Variants in CYP2C18 observed in about 807,000 individuals in gnomAD.
CYP2C18 encodes cytochrome P450 2C18.
Under a neutral mutation model 41.3 loss-of-function variants are expected in CYP2C18, and 38 were observed. The observed-to-expected ratio is 0.92, with a 90% CI of 0.71 to 1.21. The LOEUF is 1.21. Ranked by LOEUF, CYP2C18 falls within the 50% of genes most tolerant of loss-of-function variation. CYP2C18 has a pLI of 0.00. For missense variants in CYP2C18, 635 were observed against 591.4 expected, an observed-to-expected ratio of 1.07 and a Z score of -0.77; for synonymous variants, 236 against 210.0, an observed-to-expected ratio of 1.12 and a Z score of -1.07.
chr10:94,706,482 T>C (rs1847344620), intron 4 of CYP2C18, among the ~76,000 whole-genome samples: 1 of 152,206 alleles, frequency 6.6e-6, no homozygotes, highest in Admixed American at 6.5e-5. Context: ...TGGCATTCTA[T>C]ATTTCAAGGC....
At chr10:94,684,329 G>C (rs1337087523) in intron 1 of CYP2C18, among the ~76,000 whole-genome samples, 1 of 152,078 alleles carries the variant, frequency 6.6e-6, no homozygotes, top group African/African-American at 2.4e-5. Context: ...TGTACCTGTT[G>C]ACCAACGTAT....
chr10:94,727,491 T>A (rs1297631921), intron 7 of CYP2C18, among the ~76,000 whole-genome samples: 1 of 152,022 alleles, frequency 6.6e-6, no homozygotes, highest in Non-Finnish European at 1.5e-5. Context: ...GGCATGTGCC[T>A]GTAGTCCCAG....
chr10:94,719,245 GAA>G (rs151298366), intron 5 of CYP2C18, among the ~76,000 whole-genome samples: 2 of 151,666 alleles, frequency 1.3e-5, no homozygotes, highest in South Asian at 2.1e-4. Context: ...ATACAAATAA[GAA>G]AAAAAATTAA....
At chr10:94,693,551 A>C (rs934994400) in intron 3 of CYP2C18, among the ~76,000 whole-genome samples, 2 of 152,204 alleles carry the variant, frequency 1.3e-5, no homozygotes, top group Non-Finnish European at 2.9e-5. Flanking sequence ...TTTTCACTAC[A>C]TCATGTTCAT....
At chr10:94,707,026 TAGTG>T (rs1420574702) in intron 5 of CYP2C18, 66 bp downstream of exon 5, 8 of 1,418,466 alleles carry the variant, frequency 5.6e-6, no homozygotes, top group African/African-American at 2.9e-5. Context: ...ATTGCTTAAA[TAGTG>T]AGGCAAGAAA....
chr10:94,698,429 C>T (rs1325622219), intron 4 of CYP2C18, among the ~76,000 whole-genome samples: 1 of 152,068 alleles, frequency 6.6e-6, no homozygotes, highest in Non-Finnish European at 1.5e-5. Context: ...TCTTTGAAAC[C>T]AATGAGAACA....
chr10:94,691,828 A>G (rs1408096551), intron 3 of CYP2C18, among the ~76,000 whole-genome samples: 3 of 152,208 alleles, frequency 2.0e-5, no homozygotes, highest in Non-Finnish European at 2.9e-5. Flanking sequence ...AAACAGAGAT[A>G]TAGACCAATG....
chr10:94,714,510 T>G (rs986466159), intron 5 of CYP2C18, among the ~76,000 whole-genome samples: 8 of 152,096 alleles, frequency 5.3e-5, no homozygotes, highest in Admixed American at 2.0e-4. Flanking sequence ...TTATTTCTGA[T>G]GGCTCTGTTC....
chr10:94,695,207 T>A lies in CYP2C18; in HGVS notation c.642+130T>A, dbSNP rs544824020. On this transcript the variant is annotated intron_variant, in intron 4 of 8. Coordinates refer to ENST00000285979, the MANE Select transcript of CYP2C18 (RefSeq NM_000772.3). ...GTGCAGAATGGGCAGGTTTGTCACA[T>A]GGGTATACATGTGCCATGGTGGTTT... is the stretch of plus-strand genomic sequence containing the variant. The A allele has an allele frequency of 1.2e-5, 9 of 771,336 alleles. No individual in the cohort carries two copies. In the African/African-American group the frequency reaches 1.6e-4, roughly 14 times the overall value. 47.8% of individuals were successfully genotyped at this position (771,336 alleles called of 1,614,324 possible).
intron 4 of CYP2C18, among the ~76,000 whole-genome samples, chr10:94,702,902 T>G (rs369722759): frequency 1.2e-3 from 180 of 152,256 alleles, no homozygotes; most frequent in African/African-American, 4.1e-3. Flanking sequence ...TTGGTGACCT[T>G]CGGATGGAGT....
At chr10:94,686,768 G>A (rs1846895001) in intron 1 of CYP2C18, among the ~76,000 whole-genome samples, 1 of 152,174 alleles carries the variant, frequency 6.6e-6, no homozygotes, top group African/African-American at 2.4e-5. Context: ...CATTTTGCCA[G>A]AAGAGAAACA....
In CYP2C18 at chr10:94,706,913, A is replaced by G. The variant is rs777462213; in HGVS notation, c.772A>G (p.Asn258Asp). The G allele has an allele frequency of 6.8e-6, 11 of 1,612,594 alleles. No homozygotes were observed. Among genetic ancestry groups the G allele is most frequent in the Non-Finnish European group, 9.3e-6 (11 of 1,179,414 alleles). Reference protein sequence around the residue: ...IKEHQESLDMNSARDFIDCFL... With the variant: ...IKEHQESLDMDSARDFIDCFL... The stretch of plus-strand genomic sequence containing the variant: ...AGAACATCAAGAATCCCTGGACATG[A>G]ACAGTGCTCGGGACTTTATTGATTG... The change falls in exon 5 of 9, where the codon AAC becomes GAC. Residue 258 changes from asparagine to aspartate, a missense_variant. Coordinates refer to ENST00000285979, the MANE Select transcript of CYP2C18 (RefSeq NM_000772.3).
Position 94,690,909 on chromosome 10 carries a change from A to T in CYP2C18, c.481+2635A>T, listed in dbSNP as rs989282252. ...AAAAGTAATCCAGTATATAAACAGA[A>T]CCAAAGACAAAAACCACATGATTAT... On this transcript the variant is annotated intron_variant, in intron 3 of 8. Transcript: ENST00000285979. 1.9e-4 allele frequency among the ~76,000 whole-genome samples: 29 copies of T among 152,338 alleles called. No homozygotes were observed. The East Asian group carries it at 3.3e-3, about 17-fold the overall frequency.
chr10:94,729,272 C>T (rs1466843780), intron 7 of CYP2C18, among the ~76,000 whole-genome samples: 1 of 152,088 alleles, frequency 6.6e-6, no homozygotes, highest in Non-Finnish European at 1.5e-5. Flanking sequence ...AGGTAGACAC[C>T]AGTGTGCAAG....
intron 4 of CYP2C18, 60 bp downstream of exon 4, chr10:94,695,137 A>AT: frequency 7.1e-7 from 1 of 1,413,602 alleles, no homozygotes. Flanking sequence ...AGACAGTCCA[A>AT]TTTTTTTAAT....
chr10:94,725,052 T>G (rs1847715459), intron 7 of CYP2C18, among the ~76,000 whole-genome samples: 1 of 148,708 alleles, frequency 6.7e-6, no homozygotes, highest in Non-Finnish European at 1.5e-5. Context: ...TCTATGTAAT[T>G]GTAAGTTGTG....
In CYP2C18 at chr10:94,717,109, C is replaced by A. The variant is rs533890787; in HGVS notation, c.820-3287C>A. On this transcript the variant is annotated intron_variant, in intron 5 of 8. Coordinates refer to ENST00000285979, the MANE Select transcript of CYP2C18 (RefSeq NM_000772.3). ...TGAGACAGGTCTCCTGAATACAGCA[C>A]ACTGAGGAGTCTTGACTCTTTATCC... Among the ~76,000 whole-genome samples the A allele has an allele frequency of 2.6e-5, 4 of 152,262 alleles. No homozygotes were observed. In the South Asian group the frequency reaches 8.3e-4, roughly 32 times the overall value.
At chr10:94,692,115 C>A (rs1424119011) in intron 3 of CYP2C18, among the ~76,000 whole-genome samples, 2 of 152,076 alleles carry the variant, frequency 1.3e-5, no homozygotes, top group Non-Finnish European at 2.9e-5. Flanking sequence ...TAGGCATGGG[C>A]AAGGACTTCA....
chr10:94,699,092 C>G (rs1439689949), intron 4 of CYP2C18, among the ~76,000 whole-genome samples: 2 of 152,096 alleles, frequency 1.3e-5, no homozygotes. Flanking sequence ...CTATTCCAAT[C>G]AATAGAAAAA....
Sources: allele counts gnomAD v4.1 joint callset (sites outside exome capture counted in the v4.1 genomes callset), GRCh38; gene constraint gnomAD v4.1.1; transcripts MANE v1.5; gene names NCBI Gene and HGNC (gene_info 2026-07-23, HGNC 2026-07-21).